DYNC2H1: variants seen among roughly 807,000 people sequenced by gnomAD.
DYNC2H1 encodes the protein cytoplasmic dynein 2 heavy chain 1.
In DYNC2H1, 410 loss-of-function variants were observed where a neutral mutation model predicts 570.0. The ratio of observed to expected loss-of-function variants is 0.72; its 90% CI spans 0.66 to 0.78. The LOEUF (loss-of-function observed/expected upper bound fraction) is 0.78. DYNC2H1 is among the 30% of genes least tolerant of loss of function. The pLI is 0.00. For missense variants in DYNC2H1, 4,865 were observed against 5,046.4 expected, an observed-to-expected ratio of 0.96 and a Z score of 1.09; for synonymous variants, 1,688 against 1,677.6, an observed-to-expected ratio of 1.01 and a Z score of -0.15.
At chr11:103,134,190 A>G in intron 14 of DYNC2H1, 131 bp from the exon 15 acceptor site, 1 of 693,098 alleles carries the variant, frequency 1.4e-6, no homozygotes, top group African/African-American at 1.8e-5. Flanking sequence ...TTGGTCAAGT[A>G]TTGATATGTC....
At chr11:103,246,931 A>C (rs1413696110) in intron 65 of DYNC2H1, among the ~76,000 whole-genome samples, 1 of 152,008 alleles carries the variant, frequency 6.6e-6, no homozygotes, top group Non-Finnish European at 1.5e-5. Context: ...GCTCGTCAAA[A>C]ATCTTATTTA....
intron 82 of DYNC2H1, among the ~76,000 whole-genome samples, chr11:103,337,150 A>G (rs796175817): frequency 2.6e-5 from 4 of 152,350 alleles, no homozygotes; most frequent in African/African-American, 9.6e-5. Flanking sequence ...TCTGCTGCAG[A>G]TAACTAGCCA....
chr11:103,441,563 G>A (rs1465309596), intron 85 of DYNC2H1, among the ~76,000 whole-genome samples: 2 of 151,860 alleles, frequency 1.3e-5, no homozygotes, highest in South Asian at 2.1e-4. Context: ...TGTACAAATA[G>A]GCTTTTCAGT....
chr11:103,425,917 C>T (rs1406922942), intron 84 of DYNC2H1, among the ~76,000 whole-genome samples: 1 of 150,204 alleles, frequency 6.7e-6, no homozygotes, highest in Non-Finnish European at 1.5e-5. Context: ...TTGTTGGGAA[C>T]AGGCCCCCAA....
chr11:103,231,831 C>T (rs1039657922), intron 60 of DYNC2H1, among the ~76,000 whole-genome samples: 2 of 151,820 alleles, frequency 1.3e-5, no homozygotes, highest in Admixed American at 6.6e-5. Flanking sequence ...TGAATTTTTT[C>T]TCTACGTTCA....
chr11:103,438,653 G>T (rs1397266025), intron 85 of DYNC2H1, among the ~76,000 whole-genome samples: 1 of 152,106 alleles, frequency 6.6e-6, no homozygotes, highest in Non-Finnish European at 1.5e-5. Context: ...CAGGGGTTCT[G>T]TGCAAATAAG....
At chr11:103,136,882 C>A (rs1219241857) in intron 17 of DYNC2H1, among the ~76,000 whole-genome samples, 1 of 152,002 alleles carries the variant, frequency 6.6e-6, no homozygotes, top group African/African-American at 2.4e-5. Flanking sequence ...TCCTCTCCAG[C>A]ACCTGTTGTT....
chr11:103,145,129 C>T lies in DYNC2H1; in HGVS notation c.2702+1734C>T, dbSNP rs1439858983. On this transcript the variant is annotated intron_variant, in intron 18 of 88. Coordinates refer to ENST00000375735, the MANE Select transcript of DYNC2H1 (RefSeq NM_001377.3). The surrounding 1 kb of genome is among the most constrained non-coding windows in gnomAD (Gnocchi z 4.2). The stretch of plus-strand genomic sequence containing the variant: ...CTCTTGACCTCAGGTGATCTGCCCA[C>T]CTTGGCCTCCCAGAGTGCTGGGATT... 6.6e-6 allele frequency among the ~76,000 whole-genome samples: 1 copy of T among 152,108 alleles called. No individual in the cohort carries two copies. Among genetic ancestry groups the T allele is most frequent in the African/African-American group, 2.4e-5 (1 of 41,418 alleles).
At chr11:103,322,517 CA>C (rs1050467479) in intron 81 of DYNC2H1, among the ~76,000 whole-genome samples, 2 of 152,094 alleles carry the variant, frequency 1.3e-5, no homozygotes, top group African/African-American at 2.4e-5. Flanking sequence ...TTAACTCTAA[CA>C]GCCTAGTTTT....
intron 82 of DYNC2H1, among the ~76,000 whole-genome samples, chr11:103,343,223 T>C (rs1352210931): frequency 1.3e-5 from 2 of 152,168 alleles, no homozygotes; most frequent in Non-Finnish European, 2.9e-5. Context: ...CCTGCAGCCA[T>C]GAGCAGAGCT....
At chr11:103,136,205 T>A (rs980577858) in intron 17 of DYNC2H1, among the ~76,000 whole-genome samples, 3 of 150,386 alleles carry the variant, frequency 2.0e-5, no homozygotes, top group African/African-American at 7.3e-5. Context: ...GTTTTTTATT[T>A]TTATTTTTTA....
rs1865207719 is a variant in DYNC2H1 at position 103,260,041 on chromosome 11, A to G, written c.10695+64A>G. ...TGTTCTGTGATTTAACGTAATATTTATAGTTATAGTATAACTCTTTCCCTA... is the reference window on the plus strand; with the variant it reads ...TGTTCTGTGATTTAACGTAATATTTGTAGTTATAGTATAACTCTTTCCCTA... On this transcript the variant is annotated intron_variant, in intron 70 of 88. Transcript: ENST00000375735. 20 of 950,328 alleles carry G rather than the reference A, an allele frequency of 2.1e-5. No individual in the cohort carries two copies. The South Asian group carries it at 3.7e-4, about 18-fold the overall frequency. The allele number at this position is 950,328 out of a possible 1,614,324, so 58.9% of individuals were successfully genotyped here.
Position 103,181,960 on chromosome 11 carries a change from C to T in DYNC2H1, c.6477+74C>T, listed in dbSNP as rs953276564. The T allele has an allele frequency of 1.5e-5, 23 of 1,495,948 alleles. No individual in the cohort carries two copies. The highest frequency in any genetic ancestry group is 2.0e-5 in the Non-Finnish European group (22 of 1,106,256). 92.7% of individuals were successfully genotyped at this position (1,495,948 alleles called of 1,614,324 possible). Reference sequence around the variant, plus strand: ...TAAGAGTGATGCTTATTTTAACTTCCTTGTGGTAGAACTCTGCTGGAATGT... The same window carrying T: ...TAAGAGTGATGCTTATTTTAACTTCTTTGTGGTAGAACTCTGCTGGAATGT... On this transcript the variant is annotated intron_variant, in intron 40 of 88. Transcript: ENST00000375735. The surrounding 1 kb of genome is among the most constrained non-coding windows in gnomAD (Gnocchi z 5.0).
chr11:103,255,760 T>A (rs941484966), intron 67 of DYNC2H1, among the ~76,000 whole-genome samples: 1 of 152,098 alleles, frequency 6.6e-6, no homozygotes, highest in African/African-American at 2.4e-5. Flanking sequence ...ATTTGTATTG[T>A]TTTATTATTT....
intron 82 of DYNC2H1, among the ~76,000 whole-genome samples, chr11:103,342,314 T>A (rs1039320925): frequency 1.3e-5 from 2 of 152,000 alleles, no homozygotes; most frequent in African/African-American, 2.4e-5. Flanking sequence ...CAGCACCCTA[T>A]AAAATGGACC....
At chr11:103,273,406 C>T (rs908928125) in intron 70 of DYNC2H1, among the ~76,000 whole-genome samples, 1 of 152,100 alleles carries the variant, frequency 6.6e-6, no homozygotes, top group African/African-American at 2.4e-5. Context: ...CCAGGCTGGC[C>T]TCAAACTCGT....
At chr11:103,195,434 G>A (rs1486583453) in intron 47 of DYNC2H1, among the ~76,000 whole-genome samples, 1 of 152,162 alleles carries the variant, frequency 6.6e-6, no homozygotes, top group Non-Finnish European at 1.5e-5. Context: ...CTTTCTGCCT[G>A]AATTGCTTTT....
chr11:103,435,015 G>A (rs566482470), intron 84 of DYNC2H1, among the ~76,000 whole-genome samples: 2 of 152,266 alleles, frequency 1.3e-5, no homozygotes, highest in African/African-American at 4.8e-5. Context: ...AGGATTTGCA[G>A]TTGTGTTTCA....
At chr11:103,251,346 G>C (rs1864823672) in intron 65 of DYNC2H1, among the ~76,000 whole-genome samples, 1 of 151,942 alleles carries the variant, frequency 6.6e-6, no homozygotes, top group Non-Finnish European at 1.5e-5. Flanking sequence ...TTTTGGACTA[G>C]TATTTACATG....
Sources: gnomAD v4.1 joint callset for allele counts (sites outside exome capture counted in the v4.1 genomes callset) on GRCh38, gnomAD v4.1.1 for gene constraint, Gnocchi (gnomAD v3.1) non-coding constraint, MANE v1.5 for transcripts, NCBI Gene and HGNC (gene_info 2026-07-23, HGNC 2026-07-21) for gene names.